Variants in C11orf65 observed in about 807,000 individuals in gnomAD.
C11orf65 encodes the protein chromosome 11 open reading frame 65, also known as protein MFI.
In C11orf65, 38 loss-of-function variants were observed where a neutral mutation model predicts 35.3. The observed-to-expected ratio is 1.08, with a 90% CI of 0.83 to 1.41. The LOEUF (loss-of-function observed/expected upper bound fraction) is 1.41. C11orf65 is among the 40% of genes most tolerant of loss of function. The pLI, the probability that C11orf65 is intolerant of heterozygous loss-of-function variation, is 0.00. For synonymous variants in C11orf65, 105 were observed against 114.4 expected (o/e 0.92, Z 0.53); for missense variants, 370 against 367.1 (o/e 1.01, Z -0.06).
intron 6 of C11orf65, among the ~76,000 whole-genome samples, chr11:108,319,513 A>G (rs1049095423): frequency 1.3e-5 from 2 of 152,170 alleles, no homozygotes; most frequent in East Asian, 1.9e-4. Flanking sequence ...TACCCATTCT[A>G]TAATAGCCAT....
At position 108,454,324 on chromosome 11, in the gene C11orf65, C is replaced by A. The variant is rs906695555; in HGVS notation, c.81+7155G>T. ...CTTCTTTTTTTTTTTTTTTGAGACA[C>A]TTTCACTCTTGTTGCCCAGGCTGGG... On this transcript the variant is annotated intron_variant, in intron 2 of 8. Transcript: ENST00000393084. 4.9e-5 allele frequency among the ~76,000 whole-genome samples: 7 copies of A among 143,068 alleles called. No individual in the cohort carries two copies. The Admixed American group carries it at 4.9e-4, about 10-fold the overall frequency. 93.9% of individuals were successfully genotyped at this position (143,068 alleles called of 152,430 possible).
chr11:108,385,774 A>G, intron 8 of C11orf65, 146 bp downstream of exon 8: 1 of 657,382 alleles, frequency 1.5e-6, no homozygotes, highest in Non-Finnish European at 2.7e-6. Context: ...ACAATCTTAC[A>G]TACAAAGGTA....
intron 1 of C11orf65, among the ~76,000 whole-genome samples, chr11:108,462,944 A>AC (rs1303846894): frequency 6.6e-6 from 1 of 151,934 alleles, no homozygotes; most frequent in African/African-American, 2.4e-5. Flanking sequence ...ATATAGCGAG[A>AC]CCCCCATCTC....
At chr11:108,351,358 G>A (rs1307007044) in intron 2 of C11orf65, among the ~76,000 whole-genome samples, 2 of 152,140 alleles carry the variant, frequency 1.3e-5, no homozygotes, top group Admixed American at 1.3e-4. Flanking sequence ...TCACACTTGG[G>A]TGATTTGTAT....
chr11:108,315,125 C>T (rs1417792353), intron 6 of C11orf65, among the ~76,000 whole-genome samples: 1 of 152,162 alleles, frequency 6.6e-6, no homozygotes, highest in Non-Finnish European at 1.5e-5. Context: ...CTTTTCATTT[C>T]TGGATACAAT....
In C11orf65 at chr11:108,334,999, G is replaced by C. The variant is rs1064795034; in HGVS notation, c.299+221C>G. 4 of 1,613,362 alleles carry C rather than the reference G, an allele frequency of 2.5e-6. No homozygotes were observed. The highest frequency in any genetic ancestry group is 1.7e-5 in the Admixed American group (1 of 60,016). On this transcript the variant is annotated intron_variant, in intron 3 of 3. Coordinates refer to the C11orf65 transcript ENST00000524755. Reference sequence around the variant, plus strand: ...CCACACAGGAGAATATGGAAATCTGGTGACTATACAGTCATTTAAAGCAGA... The same window carrying C: ...CCACACAGGAGAATATGGAAATCTGCTGACTATACAGTCATTTAAAGCAGA...
intron 2 of C11orf65, among the ~76,000 whole-genome samples, chr11:108,351,464 C>G (rs1247142963): frequency 6.6e-6 from 1 of 152,228 alleles, no homozygotes; most frequent in Non-Finnish European, 1.5e-5. Flanking sequence ...ATTATTATCT[C>G]TCATAGTCTG....
chr11:108,354,566 T>G (rs891659320), intron 2 of C11orf65, among the ~76,000 whole-genome samples: 1 of 152,238 alleles, frequency 6.6e-6, no homozygotes, highest in African/African-American at 2.4e-5. Context: ...GGTGCATGCC[T>G]GTAATCAATA....
At chr11:108,460,885 C>T (rs1420472206) in intron 2 of C11orf65, among the ~76,000 whole-genome samples, 1 of 151,952 alleles carries the variant, frequency 6.6e-6, no homozygotes, top group Non-Finnish European at 1.5e-5. Flanking sequence ...GCCACCACAC[C>T]CAGCTAATTT....
chr11:108,451,333 A>G (rs1164988274), intron 2 of C11orf65, among the ~76,000 whole-genome samples: 1 of 152,030 alleles, frequency 6.6e-6, no homozygotes, highest in Non-Finnish European at 1.5e-5. Flanking sequence ...ATCAATGTGC[A>G]AAAATCACAA....
Position 108,406,878 on chromosome 11 carries a change from G to A in C11orf65, c.314C>T (p.Ala105Val), listed in dbSNP as rs367564857. 1 of 1,612,586 alleles carries A rather than the reference G, an allele frequency of 6.2e-7. No homozygotes were observed. Among genetic ancestry groups the A allele is most frequent in the East Asian group, 2.2e-5 (1 of 44,802 alleles). ...DLCANSPRNY[A>V]KLPAKHTSHN... Reference sequence around the variant, plus strand: ...AGATGTATGCTTTGCTGGAAGTTTTGCATAATTTCTAGGGCTGTTAGCACA... The same window carrying A: ...AGATGTATGCTTTGCTGGAAGTTTTACATAATTTCTAGGGCTGTTAGCACA... Residue 105 changes from alanine (A) to valine (V), a missense_variant, in exon 5 of 9, where the codon GCA becomes GTA. By Grantham distance (64) the Ala-to-Val change is moderately conservative. Coordinates refer to ENST00000393084, the MANE Select transcript of C11orf65 (RefSeq NM_152587.5).
chr11:108,365,425 G>A lies in C11orf65; in HGVS notation c.226+27783C>T, dbSNP rs879254215. ...AGAAGGCACTGTGCTCAGTGTTGGTGGACAAGTGAATTTGCTCATACAGCA... is the reference window on the plus strand; with the variant it reads ...AGAAGGCACTGTGCTCAGTGTTGGTAGACAAGTGAATTTGCTCATACAGCA... On this transcript the variant is annotated intron_variant, in intron 2 of 3. Transcript: ENST00000524755. 6.2e-7 allele frequency: 1 copy of A among 1,614,026 alleles called. No individual in the cohort carries two copies. The highest frequency in any genetic ancestry group is 8.5e-7 in the Non-Finnish European group (1 of 1,180,026).
chr11:108,317,652 T>TATATATATATATATACACAC, intron 6 of C11orf65: 1 of 117,458 alleles, frequency 8.5e-6, no homozygotes, highest in African/African-American at 5.1e-5. Context: ...TATATATATA[T>TATATATATATATATACACAC]ACACACACAC....
At chr11:108,330,440 A>T (rs879254202), downstream of C11orf65, 1 of 1,612,458 alleles carries the variant, frequency 6.2e-7, no homozygotes, top group South Asian at 1.1e-5. Flanking sequence ...TACTCAGCCC[A>T]ATATTCTACC....
intron 2 of C11orf65, among the ~76,000 whole-genome samples, chr11:108,448,285 G>A (rs1187946858): frequency 6.6e-6 from 1 of 152,170 alleles, no homozygotes; most frequent in Non-Finnish European, 1.5e-5. Context: ...CTCTTTTTAT[G>A]AGGCCAGCAT....
chr11:108,408,736 T>TAACATAACATAACATAAC (rs1565660272), intron 3 of C11orf65, among the ~76,000 whole-genome samples: 2 of 99,534 alleles, frequency 2.0e-5, no homozygotes, highest in African/African-American at 6.5e-5. Flanking sequence ...AATAAAATGA[T>TAACATAACATAACATAAC]ATAAGAATTG....
intron 8 of C11orf65, among the ~76,000 whole-genome samples, chr11:108,383,920 G>C (rs1213901794): frequency 6.8e-6 from 1 of 146,884 alleles, no homozygotes. Flanking sequence ...GCCCAGGCTA[G>C]AGTGCAGTGG....
At chr11:108,371,628 TTATC>T (rs1241154761) in intron 2 of C11orf65, among the ~76,000 whole-genome samples, 1 of 152,234 alleles carries the variant, frequency 6.6e-6, no homozygotes, top group African/African-American at 2.4e-5. Context: ...TATATTTTAT[TTATC>T]CATTCATCCA....
intron 7 of C11orf65, among the ~76,000 whole-genome samples, chr11:108,387,083 G>GA (rs568143652): frequency 8.5e-4 from 78 of 91,960 alleles, no homozygotes; most frequent in Admixed American, 9.8e-4. Flanking sequence ...TCTCAAAAAA[G>GA]AAAAAAAAAA....
Sources: allele counts gnomAD v4.1 joint callset (sites outside exome capture counted in the v4.1 genomes callset), GRCh38; gene constraint gnomAD v4.1.1; transcripts MANE v1.5; gene names NCBI Gene and HGNC (gene_info 2026-07-23, HGNC 2026-07-21).